Variants in DLG1 observed in about 807,000 individuals in gnomAD.
DLG1 encodes the protein discs large MAGUK scaffold protein 1, also known as disks large homolog 1.
A neutral mutation model predicts 123.4 loss-of-function variants in DLG1; 42 were observed. That is an observed-to-expected ratio of 0.34 (90% CI 0.27 to 0.44). DLG1 has a LOEUF of 0.44. DLG1 is among the 20% of genes least tolerant of loss of function. The pLI is 1.00. For synonymous variants in DLG1, 317 were observed against 356.2 expected (o/e 0.89, Z 1.24); for missense variants, 942 against 1,082.6 (o/e 0.87, Z 1.82).
At chr3:197,277,285 T>C (rs1381169777) in intron 4 of DLG1, among the ~76,000 whole-genome samples, 1 of 152,052 alleles carries the variant, frequency 6.6e-6, no homozygotes, top group Non-Finnish European at 1.5e-5. Context: ...GGTGCATCCT[T>C]TTCTACTGAA....
At chr3:197,123,686 G>A (rs1156568034) in intron 11 of DLG1, among the ~76,000 whole-genome samples, 8 of 152,214 alleles carry the variant, frequency 5.3e-5, no homozygotes, top group Admixed American at 4.6e-4. Context: ...AGCAGTATCC[G>A]CTGGAGACTA....
chr3:197,136,509 T>C lies in DLG1; in HGVS notation c.1020+33A>G, dbSNP rs376701668. 9.2e-4 allele frequency: 1,448 copies of C among 1,569,680 alleles called. 2 individuals are homozygous for C. The highest frequency in any genetic ancestry group is 1.1e-3 in the Non-Finnish European group (1,311 of 1,154,426). On this transcript the variant is annotated intron_variant, in intron 10 of 24. Transcript: ENST00000667157. ...TCAGAAAAATAAACAGACTACAAAA[T>C]GATTTAAAAGACAATAGATTTCTTA...
chr3:197,131,520 G>C (rs1782429186), intron 10 of DLG1, among the ~76,000 whole-genome samples: 1 of 150,114 alleles, frequency 6.7e-6, no homozygotes, highest in Non-Finnish European at 1.5e-5. Flanking sequence ...TCTATTAGCA[G>C]GTTCCTAGGA....
chr3:197,287,493 T>C (rs1056659130), intron 3 of DLG1, among the ~76,000 whole-genome samples: 2 of 152,004 alleles, frequency 1.3e-5, no homozygotes, highest in African/African-American at 2.4e-5. Flanking sequence ...AAGAAAAATA[T>C]TGATAAACCC....
chr3:197,282,344 C>T (rs1486375572), intron 4 of DLG1, among the ~76,000 whole-genome samples: 1 of 152,152 alleles, frequency 6.6e-6, no homozygotes, highest in Non-Finnish European at 1.5e-5. Context: ...GGAAAGAATA[C>T]CAGAGCAAAA....
chr3:197,232,626 G>T (rs1743812849), intron 4 of DLG1, among the ~76,000 whole-genome samples: 1 of 151,718 alleles, frequency 6.6e-6, no homozygotes, highest in South Asian at 2.1e-4. Context: ...TGTTAGAAAT[G>T]CATCCTGCAG....
intron 5 of DLG1, among the ~76,000 whole-genome samples, chr3:197,164,034 G>T (rs1226688931): frequency 4.6e-5 from 7 of 152,006 alleles, no homozygotes; most frequent in Non-Finnish European, 8.8e-5. Context: ...ACTGCTGTTG[G>T]ATATACAAAT....
intron 17 of DLG1, among the ~76,000 whole-genome samples, chr3:197,078,857 GGTCAGA>G: frequency 1.3e-5 from 2 of 152,196 alleles, no homozygotes; most frequent in Admixed American, 1.3e-4. Flanking sequence ...CATCTATAGT[GGTCAGA>G]GTCAGTTTCA....
At chr3:197,263,165 C>G (rs1387697643) in intron 4 of DLG1, among the ~76,000 whole-genome samples, 1 of 152,186 alleles carries the variant, frequency 6.6e-6, no homozygotes, top group African/African-American at 2.4e-5. Flanking sequence ...AAACCCTTTA[C>G]CTGGTTGCTC....
Position 197,153,721 on chromosome 3 carries a change from A to G in DLG1, c.484-3925T>C, listed in dbSNP as rs1026049031. On this transcript the variant is annotated intron_variant, in intron 5 of 24. Coordinates refer to ENST00000667157, the MANE Select transcript of DLG1 (RefSeq NM_001366207.1). ...GGAGCCAGACATTGAAGACTAGGAC[A>G]TTAAAAACCAACCACATGTATGGAG... is the stretch of plus-strand genomic sequence containing the variant. 4.6e-5 allele frequency among the ~76,000 whole-genome samples: 7 copies of G among 152,212 alleles called. No homozygotes were observed. In the East Asian group the frequency reaches 1.3e-3, roughly 29 times the overall value.
chr3:197,050,096 G>A (rs1315136991), intron 24 of DLG1, among the ~76,000 whole-genome samples: 3 of 151,752 alleles, frequency 2.0e-5, no homozygotes, highest in Non-Finnish European at 4.4e-5. Context: ...GGCCGGGCAC[G>A]GTGGCTCACG....
chr3:197,053,829 AC>A (rs916639943), intron 23 of DLG1, among the ~76,000 whole-genome samples: 2 of 149,048 alleles, frequency 1.3e-5, no homozygotes, highest in African/African-American at 5.0e-5. Context: ...GTATTTATTT[AC>A]ACCTGGAATC....
At chr3:197,221,548 A>G (rs987673094) in intron 4 of DLG1, among the ~76,000 whole-genome samples, 1 of 152,084 alleles carries the variant, frequency 6.6e-6, no homozygotes, top group East Asian at 1.9e-4. Context: ...AAAAAAAAAA[A>G]GAAACATAAC....
rs565418612 is a variant in DLG1 at position 197,119,646 on chromosome 3, A to T, written c.1166-116T>A. ...ACTCCTTTATATATCAGAATTTGGT[A>T]GAGAAGATTTACTCATCAGCCAAAA... is the stretch of plus-strand genomic sequence containing the variant. On this transcript the variant is annotated intron_variant, in intron 11 of 24. Transcript: ENST00000667157. 3.3e-5 allele frequency: 35 copies of T among 1,057,842 alleles called. 1 individual carries two copies. In the South Asian group the frequency reaches 6.2e-4, roughly 19 times the overall value. The allele number at this position is 1,057,842 out of a possible 1,614,324, so 65.5% of individuals were successfully genotyped here. A position where few individuals can be genotyped will look rare whatever the true frequency, so the allele number is the denominator to read the frequency against.
intron 6 of DLG1, among the ~76,000 whole-genome samples, chr3:197,146,966 C>T (rs745921691): frequency 1.3e-5 from 2 of 152,100 alleles, no homozygotes; most frequent in Non-Finnish European, 2.9e-5. Flanking sequence ...AAAACAATCT[C>T]ATCCAAAAGT....
intron 11 of DLG1, among the ~76,000 whole-genome samples, chr3:197,120,804 C>G (rs1775947386): frequency 6.6e-6 from 1 of 152,148 alleles, no homozygotes; most frequent in Non-Finnish European, 1.5e-5. Context: ...CAGTATCCAA[C>G]AGCAATTGTT....
At chr3:197,061,267 CAT>C (rs1560396140) in intron 22 of DLG1, among the ~76,000 whole-genome samples, 2 of 152,190 alleles carry the variant, frequency 1.3e-5, no homozygotes, top group East Asian at 1.9e-4. Flanking sequence ...TTTCATCAGA[CAT>C]AAATATTTTA....
At chr3:197,274,495 T>TACGAC (rs567690670) in intron 4 of DLG1, among the ~76,000 whole-genome samples, 208 of 148,162 alleles carry the variant, frequency 1.4e-3, no homozygotes, top group South Asian at 8.0e-3. Flanking sequence ...AAAGATACAA[T>TACGAC]ACGACACGAC....
At chr3:197,202,604 G>A (rs1442888341) in intron 4 of DLG1, among the ~76,000 whole-genome samples, 1 of 152,268 alleles carries the variant, frequency 6.6e-6, no homozygotes, top group Admixed American at 6.5e-5. Context: ...GCATCTACCA[G>A]CAATCATATT....
Sources: gnomAD v4.1 joint callset for allele counts (sites outside exome capture counted in the v4.1 genomes callset) on GRCh38, gnomAD v4.1.1 for gene constraint, MANE v1.5 for transcripts, NCBI Gene and HGNC (gene_info 2026-07-23, HGNC 2026-07-21) for gene names.